Variants in BFSP1 observed in about 807,000 individuals in gnomAD.
The protein encoded by BFSP1 is filensin.
In BFSP1, 38 loss-of-function variants were observed where a neutral mutation model predicts 43.9. The ratio of observed to expected loss-of-function variants is 0.87; its 90% CI spans 0.67 to 1.14. The LOEUF (loss-of-function observed/expected upper bound fraction) is 1.14, where lower values mean the gene tolerates loss of function less well. Ranked by LOEUF, BFSP1 falls within the 50% of genes most tolerant of loss-of-function variation. The pLI is 0.00. For synonymous variants in BFSP1, 352 were observed against 354.8 expected, an observed-to-expected ratio of 0.99 and a Z score of 0.09; for missense variants, 850 against 875.1, an observed-to-expected ratio of 0.97 and a Z score of 0.36.
At chr20:17,505,739 G>A (rs1168822875) in intron 5 of BFSP1, among the ~76,000 whole-genome samples, 1 of 152,230 alleles carries the variant, frequency 6.6e-6, no homozygotes, top group Non-Finnish European at 1.5e-5. Flanking sequence ...CTTACCCTGT[G>A]GTTCTCAGTG....
intron 1 of BFSP1, among the ~76,000 whole-genome samples, chr20:17,555,784 C>G (rs1340048546): frequency 6.6e-6 from 1 of 152,064 alleles, no homozygotes; most frequent in Non-Finnish European, 1.5e-5. Flanking sequence ...TGTGCAATAC[C>G]AATCAAATAC....
chr20:17,541,554 A>G (rs1381731816), intron 1 of BFSP1, among the ~76,000 whole-genome samples: 1 of 152,274 alleles, frequency 6.6e-6, no homozygotes, highest in Non-Finnish European at 1.5e-5. Flanking sequence ...ACCAGTCAGC[A>G]GAAAGACTAT....
At chr20:17,499,160 C>A (rs2033730791) in intron 5 of BFSP1, 120 bp from the exon 6 acceptor site, 1 of 866,270 alleles carries the variant, frequency 1.2e-6, no homozygotes, top group East Asian at 2.5e-5. Flanking sequence ...GTTTCTCTGT[C>A]CATTCGAGAT....
At chr20:17,514,199 G>A (rs2034148977) in intron 3 of BFSP1, among the ~76,000 whole-genome samples, 1 of 152,176 alleles carries the variant, frequency 6.6e-6, no homozygotes, top group Non-Finnish European at 1.5e-5. Flanking sequence ...GCAGCTCAGA[G>A]AGGTTAGGCC....
intron 7 of BFSP1, 26 bp from the exon 8 acceptor site, chr20:17,495,055 C>T (rs1444772860): frequency 6.4e-7 from 1 of 1,570,984 alleles, no homozygotes; most frequent in Non-Finnish European, 8.7e-7. Context: ...GGCAGAAATT[C>T]AAGTATAATT....
intron 1 of BFSP1, among the ~76,000 whole-genome samples, chr20:17,555,288 C>CAAAAAAAAA (rs929219257): frequency 4.5e-5 from 2 of 44,118 alleles, no homozygotes; most frequent in Non-Finnish European, 8.8e-5. Context: ...TCCTATCTCA[C>CAAAAAAAAA]AAAAAAAAAA....
chr20:17,557,610 T>G (rs1000589499), intron 1 of BFSP1, among the ~76,000 whole-genome samples: 2 of 152,210 alleles, frequency 1.3e-5, no homozygotes, highest in Admixed American at 1.3e-4. Flanking sequence ...TGGTGCCTTC[T>G]TCCAGGTCTC....
At chr20:17,539,105 CTTTTTTTT>C (rs1156875265) in intron 1 of BFSP1, among the ~76,000 whole-genome samples, 12 of 63,562 alleles carry the variant, frequency 1.9e-4, no homozygotes, top group African/African-American at 7.5e-4. Context: ...ATTTCTTCTT[CTTTTTTTT>C]TTTTTTTTTT....
At chr20:17,547,885 C>G (rs1166909557) in intron 1 of BFSP1, among the ~76,000 whole-genome samples, 1 of 146,766 alleles carries the variant, frequency 6.8e-6, no homozygotes, top group African/African-American at 2.5e-5. Flanking sequence ...CTTATGCCAC[C>G]ATGCCCGGCC....
chr20:17,505,523 C>T (rs557147697), intron 5 of BFSP1, among the ~76,000 whole-genome samples: 1 of 152,398 alleles, frequency 6.6e-6, no homozygotes, highest in East Asian at 1.9e-4. Flanking sequence ...TCTCGGCCCG[C>T]CCTCCACCGA....
chr20:17,496,169 C>T lies in BFSP1; in HGVS notation c.1042+769G>A, dbSNP rs150450202. On this transcript the variant is annotated intron_variant, in intron 7 of 7. Coordinates refer to ENST00000377873, the MANE Select transcript of BFSP1 (RefSeq NM_001195.5). ...GAGAGCAAGCCCCTGCAGGGCCGCT[C>T]GTCTGCAGACCTGGCCCTGGGCGTC... 3.3e-3 allele frequency among the ~76,000 whole-genome samples: 507 copies of T among 152,360 alleles called. 3 individuals are homozygous for T. The highest frequency in any genetic ancestry group is 0.011 in the African/African-American group (478 of 41,584).
intron 1 of BFSP1, among the ~76,000 whole-genome samples, chr20:17,527,435 A>G (rs1427758114): frequency 2.0e-5 from 3 of 152,224 alleles, no homozygotes; most frequent in Non-Finnish European, 2.9e-5. Flanking sequence ...ATTATATTAA[A>G]GAGAAGTGAT....
intron 1 of BFSP1, among the ~76,000 whole-genome samples, chr20:17,556,586 G>T (rs917604525): frequency 3.3e-5 from 5 of 152,070 alleles, no homozygotes; most frequent in Admixed American, 1.3e-4. Context: ...TATCTATCGT[G>T]TGTGTAAATA....
intron 1 of BFSP1, among the ~76,000 whole-genome samples, chr20:17,526,306 C>G (rs980034603): frequency 2.6e-5 from 4 of 152,078 alleles, no homozygotes; most frequent in African/African-American, 9.7e-5. Context: ...AAACTCCGTA[C>G]CCATTAAATA....
chr20:17,518,404 A>G (rs967709926), intron 2 of BFSP1, among the ~76,000 whole-genome samples: 8 of 152,076 alleles, frequency 5.3e-5, no homozygotes, highest in African/African-American at 1.9e-4. Context: ...ACATCCTGCG[A>G]CCCAGGGACA....
chr20:17,565,466 G>A (rs528881392), intron 1 of BFSP1: 1 of 152,256 alleles, frequency 6.6e-6, no homozygotes, highest in East Asian at 1.9e-4. Context: ...CATCAGTAGG[G>A]GAAAAGTTAA....
chr20:17,557,187 G>A (rs1194307939), intron 1 of BFSP1, among the ~76,000 whole-genome samples: 1 of 152,238 alleles, frequency 6.6e-6, no homozygotes, highest in African/African-American at 2.4e-5. Flanking sequence ...AATACAGAGG[G>A]CCAGGCCGTG....
At chr20:17,539,105 C>CTTCA (rs34002192) in intron 1 of BFSP1, among the ~76,000 whole-genome samples, 1 of 63,564 alleles carries the variant, frequency 1.6e-5, no homozygotes, top group African/African-American at 6.8e-5. Flanking sequence ...ATTTCTTCTT[C>CTTCA]TTTTTTTTTT....
At chr20:17,531,393 C>G, upstream of BFSP1, 1 of 1,279,498 alleles carries the variant, frequency 7.8e-7, no homozygotes, top group African/African-American at 1.6e-5. Context: ...CCCGGCGCAG[C>G]CCGCAGCCCG....
Sources: gnomAD v4.1 joint callset for allele counts (sites outside exome capture counted in the v4.1 genomes callset) on GRCh38, gnomAD v4.1.1 for gene constraint, MANE v1.5 for transcripts, NCBI Gene and HGNC (gene_info 2026-07-23, HGNC 2026-07-21) for gene names.